Variants in SPINK1 observed in about 807,000 individuals in gnomAD.
SPINK1 encodes the protein serine protease inhibitor Kazal-type 1.
In SPINK1, 5 loss-of-function variants were observed where a neutral mutation model predicts 9.5. That is an observed-to-expected ratio of 0.52 (90% confidence interval 0.27 to 1.10). SPINK1 has a LOEUF of 1.10. Ranked by LOEUF, SPINK1 falls within the 50% of genes least tolerant of loss-of-function variation. The probability of loss-of-function intolerance (pLI) is 0.11; values close to 1 mark genes in which losing one functional copy is unlikely to be tolerated. For synonymous variants in SPINK1, 37 were observed against 32.3 expected, an observed-to-expected ratio of 1.14 and a Z score of -0.49; for missense variants, 88 against 92.7, an observed-to-expected ratio of 0.95 and a Z score of 0.21.
chr5:147,833,461 C>A (rs184935161), upstream of SPINK1, among the ~76,000 whole-genome samples: 11 of 152,214 alleles, frequency 7.2e-5, no homozygotes, highest in African/African-American at 2.6e-4. Flanking sequence ...CTCCCTACAG[C>A]TTCTTTTCTT....
At position 147,831,546 on chromosome 5, in the gene SPINK1, G is replaced by A. The variant is rs1208155443; in HGVS notation, c.32C>T (p.Ala11Val). The A allele has an allele frequency of 6.2e-7, 1 of 1,613,544 alleles. No individual in the cohort carries two copies. Among genetic ancestry groups the A allele is most frequent in the African/African-American group, 1.3e-5 (1 of 74,902 alleles). MKVTGIFLLS[A>V]LALLSLSGNT... ...ACCAGATAGACTCAACAGGGCCAAG[G>A]CACTGAGAAGAAAGATGCCTGTTAC... Residue 11 changes from alanine to valine, a missense_variant, in exon 1 of 4, where the codon GCC becomes GTC. Ala to Val is a moderately conservative substitution (Grantham distance 64). Coordinates refer to ENST00000296695, the MANE Select transcript of SPINK1 (RefSeq NM_001379610.1).
At chr5:147,835,795 T>G (rs1756585792), upstream of SPINK1, among the ~76,000 whole-genome samples, 1 of 152,150 alleles carries the variant, frequency 6.6e-6, no homozygotes, top group Admixed American at 6.5e-5. Context: ...ATATACAGCT[T>G]ATTATATTTA....
the SPINK1 span, among the ~76,000 whole-genome samples, chr5:147,838,697 C>T: frequency 6.6e-6 from 1 of 152,130 alleles, no homozygotes; most frequent in Admixed American, 6.5e-5. Context: ...GAGAGCATAG[C>T]CATTATTTCA....
the SPINK1 span, among the ~76,000 whole-genome samples, chr5:147,838,271 AAAG>A: frequency 6.6e-6 from 1 of 152,220 alleles, no homozygotes; most frequent in African/African-American, 2.4e-5. Flanking sequence ...TATGAAAATC[AAAG>A]AAGAATTCTG....
At position 147,831,401 on chromosome 5, in the gene SPINK1, C is replaced by T. The variant is rs76527928; in HGVS notation, c.55+122G>A. The T allele has an allele frequency of 1.7e-3, 2,159 of 1,266,898 alleles. 22 individuals are homozygous for T. In the African/African-American group the frequency reaches 0.025, roughly 15 times the overall value. The allele number at this position is 1,266,898 out of a possible 1,614,324, so 78.5% of individuals were successfully genotyped here. A position where few individuals can be genotyped will look rare whatever the true frequency, so the allele number is the denominator to read the frequency against. On this transcript the variant is annotated intron_variant, in intron 1 of 3. Transcript: ENST00000296695. ...TTCTTACCTGTTGATTTTATTTCAT[C>T]TCATTAGGTCCAAAACATCTCTCGA... is the stretch of plus-strand genomic sequence containing the variant.
At chr5:147,834,525 T>A (rs1421630141), upstream of SPINK1, among the ~76,000 whole-genome samples, 2 of 152,092 alleles carry the variant, frequency 1.3e-5, no homozygotes, top group Non-Finnish European at 2.9e-5. Context: ...GAGATGAAAA[T>A]ATATTGGTTC....
At chr5:147,824,731 T>C in intron 3 of SPINK1, 25 bp from the exon 4 acceptor site, 1 of 1,611,468 alleles carries the variant, frequency 6.2e-7, no homozygotes, top group South Asian at 1.1e-5. Flanking sequence ...AAAAAAAATA[T>C]ATCAGCTTAA....
chr5:147,831,747 C>T (rs868415153), upstream of SPINK1: 18 of 1,463,220 alleles, frequency 1.2e-5, no homozygotes, highest in African/African-American at 1.4e-5. Flanking sequence ...ATAGCCTGGC[C>T]TCCAGGTTCT....
intron 2 of SPINK1, 105 bp from the exon 3 acceptor site, chr5:147,828,233 G>A (rs916413665): frequency 6.6e-5 from 58 of 878,220 alleles, no homozygotes; most frequent in Non-Finnish European, 1.7e-5. Flanking sequence ...ACTGTGATTG[G>A]GAGAATGATA....
At chr5:147,831,021 T>C (rs558079382) in intron 1 of SPINK1, among the ~76,000 whole-genome samples, 47 of 152,324 alleles carry the variant, frequency 3.1e-4, no homozygotes, top group Middle Eastern at 3.4e-3. Context: ...ATATCACATA[T>C]ATTAGCTATT....
intron 1 of SPINK1, 73 bp downstream of exon 1, chr5:147,831,450 A>G (rs937013464): frequency 1.9e-6 from 3 of 1,584,120 alleles, no homozygotes; most frequent in African/African-American, 1.3e-5. Flanking sequence ...TCAAAAGTCT[A>G]GAAGATAATG....
At chr5:147,836,359 T>C (rs1320055324), upstream of SPINK1, among the ~76,000 whole-genome samples, 1 of 151,520 alleles carries the variant, frequency 6.6e-6, no homozygotes, top group Non-Finnish European at 1.5e-5. Context: ...GTTAGAACAT[T>C]GGATTAAACT....
the SPINK1 span, among the ~76,000 whole-genome samples, chr5:147,837,799 T>C: frequency 1.3e-5 from 2 of 151,906 alleles, no homozygotes; most frequent in Non-Finnish European, 2.9e-5. Flanking sequence ...TCTTCCGGGT[T>C]CAAGTGATTC....
chr5:147,830,877 G>A (rs1245133842), intron 1 of SPINK1, among the ~76,000 whole-genome samples: 1 of 152,090 alleles, frequency 6.6e-6, no homozygotes. Flanking sequence ...GGAGGTATAT[G>A]TGCACCATCT....
chr5:147,830,790 A>G (rs1366464552), intron 1 of SPINK1, among the ~76,000 whole-genome samples: 1 of 152,158 alleles, frequency 6.6e-6, no homozygotes, highest in Non-Finnish European at 1.5e-5. Context: ...AATGTTAACC[A>G]TTTCCAGTGA....
At chr5:147,827,822 T>A (rs964317561) in intron 3 of SPINK1, 200 bp downstream of exon 3, 4 of 479,402 alleles carry the variant, frequency 8.3e-6, no homozygotes, top group African/African-American at 7.8e-5. Context: ...CTGTAAAAAA[T>A]ATAGGCTTTT....
At chr5:147,838,307 T>C in the SPINK1 span, among the ~76,000 whole-genome samples, 4 of 152,172 alleles carry the variant, frequency 2.6e-5, no homozygotes, top group African/African-American at 9.7e-5. Context: ...GTAGTGTATA[T>C]CTGGGGACAA....
chr5:147,833,490 C>G (rs187452313), upstream of SPINK1, among the ~76,000 whole-genome samples: 146 of 152,272 alleles, frequency 9.6e-4, no homozygotes, highest in African/African-American at 3.2e-3. Context: ...ATCACTCAAG[C>G]CCAAACCTCG....
chr5:147,828,214 T>A, intron 2 of SPINK1, 86 bp from the exon 3 acceptor site: 1 of 1,022,192 alleles, frequency 9.8e-7, no homozygotes, highest in Admixed American at 2.0e-5. Flanking sequence ...TTTATTTCTC[T>A]GGGGAATAAC....
Sources: gnomAD v4.1 joint callset for allele counts (sites outside exome capture counted in the v4.1 genomes callset) on GRCh38, gnomAD v4.1.1 for gene constraint, MANE v1.5 for transcripts, NCBI Gene and HGNC (gene_info 2026-07-23, HGNC 2026-07-21) for gene names.